CASK: variants seen among roughly 807,000 people sequenced by gnomAD.
CASK encodes the protein peripheral plasma membrane protein CASK.
In CASK, 4 loss-of-function variants were observed where a neutral mutation model predicts 82.9. The ratio of observed to expected loss-of-function variants is 0.05; its 90% confidence interval spans 0.02 to 0.11. CASK has a LOEUF of 0.11. Ranked by LOEUF, CASK falls within the 10% of genes least tolerant of loss-of-function variation. The pLI is 1.00. For missense variants in CASK, 358 were observed against 720.9 expected, an observed-to-expected ratio of 0.50 and a Z score of 5.76; for synonymous variants, 259 against 253.5, an observed-to-expected ratio of 1.02 and a Z score of -0.20.
At chrX:41,623,421 T>G (rs1167985439) in intron 10 of CASK, among the ~76,000 whole-genome samples, 4 of 111,994 alleles carry the variant, frequency 3.6e-5, no homozygotes, top group Non-Finnish European at 7.5e-5. Context: ...CTCTTTTTAT[T>G]TTCCTTTCCT....
chrX:41,744,229 A>G lies in CASK; in HGVS notation c.356+1295T>C, dbSNP rs1415138704. Among the ~76,000 whole-genome samples, 4 of 111,433 alleles carry G rather than the reference A, an allele frequency of 3.6e-5. No individual in the cohort carries two copies. In the East Asian group the frequency reaches 1.1e-3, roughly 31 times the overall value. ...CTGTATTCCATGTATTAAAAAGGCA[A>G]CCTACAGGAGTGGGTAATTATGATT... On this transcript the variant is annotated intron_variant, in intron 4 of 26. Transcript: ENST00000378163.
chrX:41,561,450 G>T (rs1173809993), intron 17 of CASK, 109 bp downstream of exon 17: 13 of 557,329 alleles, frequency 2.3e-5, no homozygotes, highest in Non-Finnish European at 3.6e-5. Flanking sequence ...CATAAATATG[G>T]TACCAGAAAT....
chrX:41,622,670 A>T, intron 10 of CASK, 36 bp from the exon 11 acceptor site: 1 of 1,156,844 alleles, frequency 8.6e-7, no homozygotes, highest in Non-Finnish European at 1.2e-6. Context: ...AACAACAAAC[A>T]GTATGATTTT....
intron 2 of CASK, among the ~76,000 whole-genome samples, chrX:41,831,916 G>A (rs911923566): frequency 1.8e-5 from 2 of 111,200 alleles, no homozygotes; most frequent in African/African-American, 3.3e-5. Flanking sequence ...AGCTGAGATC[G>A]TGCCACTGCA....
intron 6 of CASK, among the ~76,000 whole-genome samples, chrX:41,667,326 T>TA (rs2067133096): frequency 8.9e-6 from 1 of 111,772 alleles, no homozygotes; most frequent in Non-Finnish European, 1.9e-5. Context: ...AGTTAATCTT[T>TA]AATATACACC....
chrX:41,674,844 T>C (rs1230434516), intron 5 of CASK, among the ~76,000 whole-genome samples: 2 of 111,653 alleles, frequency 1.8e-5, no homozygotes, highest in Non-Finnish European at 3.8e-5. Context: ...CATAAAACTT[T>C]TATTCCACTT....
intron 21 of CASK, among the ~76,000 whole-genome samples, chrX:41,547,773 C>T (rs919128818): frequency 1.8e-5 from 2 of 110,399 alleles, no homozygotes; most frequent in Non-Finnish European, 3.8e-5. Flanking sequence ...CAGGCGCCCA[C>T]CACCAGGCCC....
intron 2 of CASK, among the ~76,000 whole-genome samples, chrX:41,792,185 C>G (rs2069736964): frequency 9.0e-6 from 1 of 111,380 alleles, no homozygotes; most frequent in Non-Finnish European, 1.9e-5. Context: ...TATTATTTTA[C>G]TACTATTTTT....
rs2065602159 is a variant in CASK at position 41,582,893 on chromosome X, TTATTA to T, written c.1314+4009_1314+4013del. On this transcript the variant is annotated intron_variant, in intron 14 of 26. Coordinates refer to ENST00000378163, the MANE Select transcript of CASK (RefSeq NM_001367721.1). ...CCATTATCCTTTCATTTCTTCATAG[TTATTA>T]TTGCCATATGAAATTATCTTGTTAG... Among the ~76,000 whole-genome samples the T allele has an allele frequency of 4.5e-5, 5 of 111,996 alleles. No homozygotes were observed. The Admixed American group carries it at 4.7e-4, about 11-fold the overall frequency.
At chrX:41,740,652 AAAAAC>A (rs2068581418) in intron 4 of CASK, among the ~76,000 whole-genome samples, 1 of 111,812 alleles carries the variant, frequency 8.9e-6, no homozygotes, top group African/African-American at 3.2e-5. Context: ...AGGTAGGAGA[AAAAAC>A]AAAAACAAAA....
chrX:41,551,913 C>G (rs1341871156), intron 21 of CASK, among the ~76,000 whole-genome samples: 1 of 102,749 alleles, frequency 9.7e-6, no homozygotes, highest in Non-Finnish European at 2.0e-5. Context: ...AAATTGGTCA[C>G]TGAGCTCCCC....
At chrX:41,823,868 T>C (rs2070602203) in intron 2 of CASK, among the ~76,000 whole-genome samples, 1 of 111,391 alleles carries the variant, frequency 9.0e-6, no homozygotes, top group Non-Finnish European at 1.9e-5. Flanking sequence ...CCTCTTAATA[T>C]ACTTTCTTTA....
At chrX:41,882,746 T>C (rs948293709) in intron 1 of CASK, among the ~76,000 whole-genome samples, 4 of 111,277 alleles carry the variant, frequency 3.6e-5, no homozygotes, top group African/African-American at 1.3e-4. Flanking sequence ...GCACAATATA[T>C]ATTAACAGGA....
chrX:41,630,459 G>A (rs1230143366), intron 9 of CASK, among the ~76,000 whole-genome samples: 2 of 111,770 alleles, frequency 1.8e-5, no homozygotes, highest in African/African-American at 6.5e-5. Context: ...TAGGCACAAT[G>A]GCAGAAGGGT....
intron 3 of CASK, among the ~76,000 whole-genome samples, chrX:41,761,739 G>GA (rs1056134216): frequency 1.8e-5 from 2 of 111,584 alleles, no homozygotes; most frequent in Non-Finnish European, 3.8e-5. Flanking sequence ...ACATTACCAA[G>GA]AAAAAAATAG....
At chrX:41,921,302 T>C (rs976135341) in intron 1 of CASK, among the ~76,000 whole-genome samples, 1 of 111,975 alleles carries the variant, frequency 8.9e-6, no homozygotes, top group African/African-American at 3.2e-5. Flanking sequence ...AGTGTCAGAA[T>C]TGAGATGTGC....
intron 12 of CASK, among the ~76,000 whole-genome samples, chrX:41,603,072 G>A (rs1430186952): frequency 8.9e-6 from 1 of 111,942 alleles, no homozygotes; most frequent in Non-Finnish European, 1.9e-5. Context: ...ACTGGATGGG[G>A]CCCTGAGAAA....
chrX:41,543,279 A>T (rs2064973143), intron 21 of CASK, among the ~76,000 whole-genome samples: 1 of 112,406 alleles, frequency 8.9e-6, no homozygotes, highest in East Asian at 2.8e-4. Context: ...TTTGCCCCAA[A>T]TCACACAGCT....
intron 5 of CASK, among the ~76,000 whole-genome samples, chrX:41,713,251 G>C (rs368722622): frequency 1.3e-4 from 15 of 112,010 alleles, no homozygotes; most frequent in African/African-American, 3.9e-4. Flanking sequence ...TGTCAGAGCA[G>C]TTTCTTTGGT....
Sources: allele counts gnomAD v4.1 joint callset (sites outside exome capture counted in the v4.1 genomes callset), GRCh38; gene constraint gnomAD v4.1.1; transcripts MANE v1.5; gene names NCBI Gene and HGNC (gene_info 2026-07-23, HGNC 2026-07-21).